The following CIMAP1D variants were observed in gnomAD, a reference collection of about 807,000 sequenced individuals.
CIMAP1D encodes CIMAP1 family member D, also known as protein CIMAP1D.
chr19:480,479 G>GAAGGATGATGGT, the CIMAP1D span, among the ~76,000 whole-genome samples: 1 of 133,332 alleles, frequency 7.5e-6, no homozygotes, highest in South Asian at 2.4e-4. Flanking sequence ...GGATGATGGG[G>GAAGGATGATGGT]AAGGATGATG....
At chr19:478,999 G>T in the CIMAP1D span, among the ~76,000 whole-genome samples, 2 of 152,272 alleles carry the variant, frequency 1.3e-5, no homozygotes, top group Non-Finnish European at 2.9e-5. Flanking sequence ...ACTTACGTGA[G>T]TGCAGAGGGC....
chr19:464,058 AGG>A, the CIMAP1D span: 1 of 1,569,004 alleles, frequency 6.4e-7, no homozygotes, highest in Non-Finnish European at 8.6e-7. Context: ...GAAGGCAGGC[AGG>A]CGCTGGCGGT....
At chr19:463,875 G>A in the CIMAP1D span, 15 of 1,610,196 alleles carry the variant, frequency 9.3e-6, no homozygotes, top group African/African-American at 4.0e-5. Context: ...CCTGTGCCCC[G>A]CAGGCCGGGA....
chr19:464,787 T>C, the CIMAP1D span, among the ~76,000 whole-genome samples: 2 of 152,138 alleles, frequency 1.3e-5, no homozygotes, highest in Admixed American at 6.5e-5. Context: ...TCTCCAGCAG[T>C]TGACTGTCTG....
the CIMAP1D span, among the ~76,000 whole-genome samples, chr19:474,417 C>T: frequency 1.3e-5 from 2 of 152,226 alleles, no homozygotes; most frequent in Non-Finnish European, 1.5e-5. Context: ...ACGCAGCTTC[C>T]GTTGGACAGA....
chr19:475,935 G>A, the CIMAP1D span, among the ~76,000 whole-genome samples: 1 of 142,492 alleles, frequency 7.0e-6, no homozygotes, highest in African/African-American at 2.6e-5. Context: ...CACCACGCCT[G>A]ACTAATTTTT....
chr19:467,355 C>T, the CIMAP1D span, among the ~76,000 whole-genome samples: 12 of 151,870 alleles, frequency 7.9e-5, no homozygotes, highest in African/African-American at 1.5e-4. Flanking sequence ...AGGATACTGC[C>T]GATTTGCCAC....
chr19:470,249 C>T, the CIMAP1D span, among the ~76,000 whole-genome samples: 297 of 150,288 alleles, frequency 2.0e-3, no homozygotes, highest in African/African-American at 6.7e-3. Flanking sequence ...CTCTCTCACC[C>T]AGGCTGGAGT....
the CIMAP1D span, chr19:464,104 G>C: frequency 7.7e-7 from 1 of 1,298,140 alleles, no homozygotes; most frequent in South Asian, 1.3e-5. Context: ...TACTGGCCCG[G>C]GCCTGGTATC....
At chr19:474,718 T>C in the CIMAP1D span, 31 of 1,547,984 alleles carry the variant, frequency 2.0e-5, no homozygotes, top group South Asian at 3.3e-4. Context: ...TGGCCAGCCG[T>C]GGGGTGGAGT....
the CIMAP1D span, chr19:472,259 G>A: frequency 2.2e-6 from 1 of 452,606 alleles, no homozygotes. Flanking sequence ...GGAGCAGGTT[G>A]TACAGCCCAG....
chr19:463,785 G>A, the CIMAP1D span: 1 of 1,526,026 alleles, frequency 6.6e-7, no homozygotes, highest in Non-Finnish European at 8.7e-7. Flanking sequence ...TCCAGCCAAA[G>A]CCAGGCCCCA....
the CIMAP1D span, among the ~76,000 whole-genome samples, chr19:479,934 G>GT: frequency 7.2e-5 from 11 of 152,200 alleles, no homozygotes; most frequent in South Asian, 2.3e-3. Context: ...AGTTTCCTTT[G>GT]TTTCTTGTTA....
the CIMAP1D span, among the ~76,000 whole-genome samples, chr19:465,114 G>GATGA: frequency 2.1e-5 from 3 of 145,560 alleles, no homozygotes; most frequent in African/African-American, 7.5e-5. Flanking sequence ...TGGGTGGATG[G>GATGA]ATGGATGGGT....
chr19:466,797 ATGGT>A, the CIMAP1D span, among the ~76,000 whole-genome samples: 167 of 83,088 alleles, frequency 2.0e-3, no homozygotes, highest in East Asian at 8.3e-3. Context: ...GGATGGGTAG[ATGGT>A]TGGGTGGATG....
the CIMAP1D span, among the ~76,000 whole-genome samples, chr19:465,352 T>C: frequency 2.1e-5 from 3 of 145,938 alleles, no homozygotes; most frequent in Non-Finnish European, 4.5e-5. Flanking sequence ...GATGGATGAA[T>C]GGGTAGGTGG....
the CIMAP1D span, among the ~76,000 whole-genome samples, chr19:481,283 A>ATGGGAAGGATGATGGAGAAGGAATG: frequency 7.4e-6 from 1 of 135,576 alleles, no homozygotes; most frequent in South Asian, 2.7e-4. Flanking sequence ...GGAAAGTATG[A>ATGGGAAGGATGATGGAGAAGGAATG]TGGGAAGGAT....
At chr19:474,581 C>G in the CIMAP1D span, 3 of 1,454,978 alleles carry the variant, frequency 2.1e-6, no homozygotes, top group Non-Finnish European at 2.8e-6. Context: ...GGGAGTGGAG[C>G]AGGAAAAGGT....
chr19:470,602 G>A, the CIMAP1D span, among the ~76,000 whole-genome samples: 3 of 152,174 alleles, frequency 2.0e-5, no homozygotes. Flanking sequence ...CTGAGTCCCA[G>A]TGTGGGCTGG....
Sources: gnomAD v4.1 joint callset for allele counts (sites outside exome capture counted in the v4.1 genomes callset) on GRCh38, gnomAD v4.1.1 for gene constraint, MANE v1.5 for transcripts, NCBI Gene and HGNC (gene_info 2026-07-23, HGNC 2026-07-21) for gene names.